The following TOP6BL variants were observed in gnomAD, a reference collection of about 807,000 sequenced individuals.
TOP6BL encodes the protein type 2 DNA topoisomerase 6 subunit B-like.
the TOP6BL span, chr11:66,843,352 G>C: frequency 8.2e-6 from 12 of 1,460,440 alleles, no homozygotes; most frequent in South Asian, 4.1e-5. Context: ...CTTCCGCGTC[G>C]GGCCCGGGCG....
the TOP6BL span, among the ~76,000 whole-genome samples, chr11:66,839,790 T>C: frequency 6.6e-6 from 1 of 152,176 alleles, no homozygotes; most frequent in Admixed American, 6.5e-5. Context: ...TATCTTCCCA[T>C]ACAAGGAAAA....
At chr11:66,841,867 C>A in the TOP6BL span, among the ~76,000 whole-genome samples, 1 of 152,122 alleles carries the variant, frequency 6.6e-6, no homozygotes, top group African/African-American at 2.4e-5. Flanking sequence ...TAACTTTCAG[C>A]AAGAAATTCC....
chr11:66,813,873 A>G, the TOP6BL span: 20 of 1,613,914 alleles, frequency 1.2e-5, no homozygotes, highest in African/African-American at 1.6e-4. Flanking sequence ...ACATATTTCT[A>G]TATGGACCTT....
chr11:66,824,190 G>A, the TOP6BL span, among the ~76,000 whole-genome samples: 1 of 152,084 alleles, frequency 6.6e-6, no homozygotes, highest in Non-Finnish European at 1.5e-5. Context: ...TGAGGCCTTT[G>A]AGAGGTGATT....
chr11:66,822,620 TCTG>T, the TOP6BL span: 1 of 1,553,220 alleles, frequency 6.4e-7, no homozygotes, highest in East Asian at 2.4e-5. Context: ...TCATGAGTAT[TCTG>T]ACTGGAAGCA....
At chr11:66,828,075 C>T in the TOP6BL span, among the ~76,000 whole-genome samples, 1 of 151,738 alleles carries the variant, frequency 6.6e-6, no homozygotes, top group African/African-American at 2.4e-5. Flanking sequence ...GCCACAACTG[C>T]CTGTCTTACA....
the TOP6BL span, chr11:66,843,452 C>T: frequency 6.4e-6 from 9 of 1,404,406 alleles, no homozygotes; most frequent in Middle Eastern, 1.0e-3. Flanking sequence ...CGGGTCAGGG[C>T]GCAATGGCGG....
At chr11:66,773,277 C>G in the TOP6BL span, among the ~76,000 whole-genome samples, 1 of 151,976 alleles carries the variant, frequency 6.6e-6, no homozygotes, top group South Asian at 2.1e-4. Context: ...TGGTCTGGAA[C>G]TCCTGGGCTC....
At chr11:66,770,367 T>C in the TOP6BL span, among the ~76,000 whole-genome samples, 1 of 152,122 alleles carries the variant, frequency 6.6e-6, no homozygotes, top group Non-Finnish European at 1.5e-5. Context: ...CATGAAAAGA[T>C]AGATGCTCAG....
At chr11:66,776,457 CTTAAACAAGGAAA>C in the TOP6BL span, among the ~76,000 whole-genome samples, 1 of 152,084 alleles carries the variant, frequency 6.6e-6, no homozygotes, top group Non-Finnish European at 1.5e-5. Context: ...TCTTGCTTTC[CTTAAACAAGGAAA>C]TTAAACAAGG....
At chr11:66,800,683 A>G in the TOP6BL span, 3 of 1,605,584 alleles carry the variant, frequency 1.9e-6, no homozygotes, top group Non-Finnish European at 2.6e-6. Context: ...AATCCTCTCC[A>G]CAGAGATCTT....
At chr11:66,842,562 G>A in the TOP6BL span, among the ~76,000 whole-genome samples, 1 of 152,196 alleles carries the variant, frequency 6.6e-6, no homozygotes, top group African/African-American at 2.4e-5. Context: ...GCAGACTCCA[G>A]GAAGAATCTA....
At chr11:66,795,156 T>C in the TOP6BL span, among the ~76,000 whole-genome samples, 3 of 151,810 alleles carry the variant, frequency 2.0e-5, no homozygotes, top group African/African-American at 4.8e-5. Flanking sequence ...TATATATATA[T>C]ACAAAGAAGA....
the TOP6BL span, among the ~76,000 whole-genome samples, chr11:66,772,367 A>G: frequency 1.3e-5 from 2 of 152,218 alleles, no homozygotes; most frequent in Non-Finnish European, 2.9e-5. Context: ...GCTACTCAGG[A>G]GGCTGAAGCA....
At chr11:66,789,519 C>T in the TOP6BL span, among the ~76,000 whole-genome samples, 3 of 152,132 alleles carry the variant, frequency 2.0e-5, no homozygotes, top group African/African-American at 7.2e-5. Flanking sequence ...CTGGCTGTGC[C>T]TTATCTTCTT....
At chr11:66,835,471 T>C in the TOP6BL span, among the ~76,000 whole-genome samples, 1 of 152,216 alleles carries the variant, frequency 6.6e-6, no homozygotes, top group East Asian at 1.9e-4. Context: ...ATAAAACTCA[T>C]TGATTTTAAG....
chr11:66,803,816 A>G, the TOP6BL span, among the ~76,000 whole-genome samples: 1 of 152,200 alleles, frequency 6.6e-6, no homozygotes, highest in African/African-American at 2.4e-5. Flanking sequence ...CAGTTTTTCT[A>G]CTACTTCCAT....
At chr11:66,818,484 C>T in the TOP6BL span, among the ~76,000 whole-genome samples, 2 of 152,132 alleles carry the variant, frequency 1.3e-5, no homozygotes, top group Non-Finnish European at 2.9e-5. Context: ...GGGCTGTTCC[C>T]TGTGGCTTAT....
chr11:66,771,077 A>G, the TOP6BL span, among the ~76,000 whole-genome samples: 4 of 151,762 alleles, frequency 2.6e-5, no homozygotes, highest in Non-Finnish European at 4.4e-5. Context: ...GTATATTTCA[A>G]ATTACCTGAC....
Sources: gnomAD v4.1 joint callset for allele counts (sites outside exome capture counted in the v4.1 genomes callset) on GRCh38, gnomAD v4.1.1 for gene constraint, MANE v1.5 for transcripts, NCBI Gene and HGNC (gene_info 2026-07-23, HGNC 2026-07-21) for gene names.